Variants in ZNF185 observed in about 807,000 individuals in gnomAD.
ZNF185 encodes the protein zinc finger protein 185.
In ZNF185, 56 loss-of-function variants were observed where a neutral mutation model predicts 58.6. The observed-to-expected ratio is 0.95, with a 90% CI of 0.77 to 1.19. The LOEUF is 1.19. Among genes scored for constraint, ZNF185 ranks in the 50% most tolerant of loss-of-function variants. ZNF185 has a pLI of 0.00. For missense variants in ZNF185, 627 were observed against 573.5 expected (o/e 1.09, Z -0.95); for synonymous variants, 230 against 215.9 (o/e 1.07, Z -0.57).
At chrX:152,920,202 T>TC in intron 7 of ZNF185, 126 bp from the exon 9 acceptor site, 1 of 522,414 alleles carries the variant, frequency 1.9e-6, no homozygotes, top group South Asian at 3.3e-5. Context: ...GGTGCAAATC[T>TC]GGTTTCTCTC....
At chrX:152,932,842 G>C (rs372844220) in intron 13 of ZNF185, 31 bp from the exon 15 acceptor site, 240 of 1,098,541 alleles carry the variant, frequency 2.2e-4, no homozygotes, top group Non-Finnish European at 3.0e-4. Context: ...AACGCAACTA[G>C]AGTCAGCAAA....
chrX:152,961,795 CAAG>C (rs1366607359), intron 17 of ZNF185, among the ~76,000 whole-genome samples: 3 of 112,509 alleles, frequency 2.7e-5, no homozygotes, highest in African/African-American at 6.5e-5. Context: ...CACACCAACT[CAAG>C]GAGGTGCTTT....
At chrX:152,915,582 C>T (rs1300803701) in intron 3 of ZNF185, among the ~76,000 whole-genome samples, 1 of 112,758 alleles carries the variant, frequency 8.9e-6, no homozygotes, top group Non-Finnish European at 1.9e-5. Flanking sequence ...TGGGCAGCTT[C>T]CAGAGTCACA....
At chrX:152,952,344 T>G (rs1556900708) in intron 16 of ZNF185, among the ~76,000 whole-genome samples, 1 of 112,588 alleles carries the variant, frequency 8.9e-6, no homozygotes, top group East Asian at 2.8e-4. Flanking sequence ...GTATTAGAAG[T>G]TGTTTCCTTA....
intron 6 of ZNF185, 73 bp downstream of exon 7, chrX:152,918,227 G>A: frequency 9.1e-7 from 1 of 1,098,873 alleles, no homozygotes; most frequent in Non-Finnish European, 1.2e-6. Flanking sequence ...GTCCACTGAA[G>A]GCAGCTGACT....
At chrX:152,941,828 C>T (rs1207087962) in intron 15 of ZNF185, 2 of 1,154,304 alleles carry the variant, frequency 1.7e-6, no homozygotes, top group African/African-American at 3.6e-5. Flanking sequence ...CCCCTTCCCC[C>T]GCGTAAGGTC....
chrX:152,938,437 C>A (rs1007150281), intron 15 of ZNF185, among the ~76,000 whole-genome samples: 39 of 112,424 alleles, frequency 3.5e-4, no homozygotes, highest in African/African-American at 1.3e-3. Context: ...TTGCTGGAGG[C>A]TGGAGCATGC....
chrX:152,969,707 A>G (rs1289756623), intron 21 of ZNF185, among the ~76,000 whole-genome samples: 2 of 112,442 alleles, frequency 1.8e-5, no homozygotes, highest in African/African-American at 6.5e-5. Flanking sequence ...CTGCATGCTT[A>G]GTACTGTAGG....
intron 15 of ZNF185, among the ~76,000 whole-genome samples, chrX:152,940,825 T>C (rs901716727): frequency 8.9e-6 from 1 of 112,569 alleles, no homozygotes; most frequent in Non-Finnish European, 1.9e-5. Flanking sequence ...TGTCATGTGA[T>C]GCTATACTAG....
intron 8 of ZNF185, 75 bp from the exon 10 acceptor site, chrX:152,920,632 T>A (rs1556869007): frequency 8.5e-7 from 1 of 1,174,775 alleles, no homozygotes. Flanking sequence ...CCCAGGACCC[T>A]CTGAGGTAGA....
At chrX:152,938,617 G>A (rs1489248318) in intron 15 of ZNF185, among the ~76,000 whole-genome samples, 6 of 111,208 alleles carry the variant, frequency 5.4e-5, no homozygotes, top group Non-Finnish European at 9.4e-5. Context: ...GGGAGTGCTG[G>A]AAGAGGAGGC....
At position 152,928,667 on chromosome X, in the gene ZNF185, G is replaced by T; in HGVS notation, c.917+6G>T. ...CCAGACGTGGAAGGCATGAGGTATG[G>T]GGGTCCTGCTGCTGTCCTGGCTCCC... On this transcript the variant is annotated splice_donor_region_variant and intron_variant, in intron 12 of 22. Coordinates refer to ENST00000449285, the Ensembl canonical transcript of ZNF185. 1 of 1,208,631 alleles carries T rather than the reference G, an allele frequency of 8.3e-7. No homozygotes were observed. Among genetic ancestry groups the T allele is most frequent in the Non-Finnish European group, 1.1e-6 (1 of 892,986 alleles).
At chrX:152,910,188 A>T (rs1936959395), upstream of ZNF185, among the ~76,000 whole-genome samples, 1 of 111,563 alleles carries the variant, frequency 9.0e-6, no homozygotes, top group Non-Finnish European at 1.9e-5. Context: ...GATTACAGGC[A>T]TGAGCCACCA....
At chrX:152,920,149 C>G (rs1939403900) in intron 7 of ZNF185, among the ~76,000 whole-genome samples, 179 bp from the exon 9 acceptor site, 1 of 112,961 alleles carries the variant, frequency 8.9e-6, no homozygotes. Context: ...ATGGGCTGCC[C>G]TTCCTTCAGG....
intron 12 of ZNF185, 78 bp from the exon 14 acceptor site, chrX:152,931,594 G>T: frequency 1.1e-6 from 1 of 883,981 alleles, no homozygotes; most frequent in Non-Finnish European, 1.6e-6. Context: ...GACAGCTGGC[G>T]TTTGAGGATG....
chrX:152,905,776 G>T, the ZNF185 span, among the ~76,000 whole-genome samples: 2 of 110,455 alleles, frequency 1.8e-5, no homozygotes, highest in African/African-American at 6.6e-5. Flanking sequence ...TGGTGCTGGT[G>T]CTGGTGGTCC....
chrX:152,941,858 G>A, intron 15 of ZNF185: 1 of 1,121,170 alleles, frequency 8.9e-7, no homozygotes, highest in Non-Finnish European at 1.2e-6. Context: ...GGCCAGAGTG[G>A]CTTTGGGGTG....
chrX:152,970,713 T>C (rs2050592805), intron 22 of ZNF185, among the ~76,000 whole-genome samples, 172 bp downstream of exon 24: 1 of 111,069 alleles, frequency 9.0e-6, no homozygotes, highest in Admixed American at 9.6e-5. Flanking sequence ...TACTTTGAGA[T>C]CTTAGGTGGC....
At position 152,945,272 on chromosome X, in the gene ZNF185, T is replaced by G. The variant is rs1383689992; in HGVS notation, c.1217T>G (p.Leu406Trp). The G allele has an allele frequency of 8.3e-7, 1 of 1,206,567 alleles. No individual in the cohort carries two copies. Among genetic ancestry groups the G allele is most frequent in the Admixed American group, 2.2e-5 (1 of 45,387 alleles). Residue 406 changes from leucine to tryptophan, a missense_variant, in exon 16 of 23, where the codon TTG (leucine) becomes TGG (tryptophan). By Grantham distance (61) the Leu-to-Trp change is moderately conservative. Transcript: ENST00000449285. ...GGGTGCTTATTCTTCTTCAGGGCCTTGGCTGATTATGAGGGGAAGGATGTG... is the reference window on the plus strand; with the variant it reads ...GGGTGCTTATTCTTCTTCAGGGCCTGGGCTGATTATGAGGGGAAGGATGTG...
Sources: gnomAD v4.1 joint callset for allele counts (sites outside exome capture counted in the v4.1 genomes callset) on GRCh38, gnomAD v4.1.1 for gene constraint, MANE v1.5 for transcripts, NCBI Gene and HGNC (gene_info 2026-07-23, HGNC 2026-07-21) for gene names.